The following GALNT2 variants were observed in gnomAD, a reference collection of about 807,000 sequenced individuals.
GALNT2 encodes the protein UDP-GalNAc:polypeptide N-acetylgalactosaminyltransferase 2.
GALNT2 carries 31 observed loss-of-function variants against 81.4 expected under a neutral mutation model. That is an observed-to-expected ratio of 0.38 (90% CI 0.29 to 0.51). The LOEUF is 0.51. GALNT2 is among the 20% of genes least tolerant of loss of function. GALNT2 has a pLI of 0.87. For missense variants in GALNT2, 629 were observed against 765.7 expected (o/e 0.82, Z 2.11); for synonymous variants, 303 against 287.4 (o/e 1.05, Z -0.55).
rs535735786 is a variant in GALNT2 at position 230,273,711 on chromosome 1, G to A, written c.1441-734G>A. 4.6e-5 allele frequency among the ~76,000 whole-genome samples: 7 copies of A among 152,140 alleles called. No homozygotes were observed. In the South Asian group the frequency reaches 1.5e-3, roughly 32 times the overall value. Reference sequence around the variant, plus strand: ...TGTGTGTTTGTTTGTTAACATCATGGTGTGTTATTTAAACACTCTCTAGCT... The same window carrying A: ...TGTGTGTTTGTTTGTTAACATCATGATGTGTTATTTAAACACTCTCTAGCT... On this transcript the variant is annotated intron_variant, in intron 14 of 15. Coordinates refer to ENST00000366672, the MANE Select transcript of GALNT2 (RefSeq NM_004481.5).
chr1:230,223,993 C>A (rs1363382154), intron 3 of GALNT2, among the ~76,000 whole-genome samples: 3 of 152,170 alleles, frequency 2.0e-5, no homozygotes, highest in African/African-American at 7.2e-5. Context: ...GCCTGAATAA[C>A]CTCTAAGAAG....
At chr1:230,203,115 C>T (rs914080119) in intron 2 of GALNT2, 22 bp from the exon 3 acceptor site, 1 of 1,607,332 alleles carries the variant, frequency 6.2e-7, no homozygotes, top group South Asian at 1.1e-5. Flanking sequence ...CTCATCCCTA[C>T]CCTCTGCTCT....
chr1:230,202,531 G>T (rs1438026970), intron 2 of GALNT2, among the ~76,000 whole-genome samples: 1 of 152,144 alleles, frequency 6.6e-6, no homozygotes, highest in Non-Finnish European at 1.5e-5. Flanking sequence ...GTTAGGAATG[G>T]CCAGGCCCCT....
chr1:230,254,766 G>C (rs12564954), intron 10 of GALNT2, among the ~76,000 whole-genome samples: 10,398 of 152,248 alleles, frequency 0.068, 983 homozygotes, highest in East Asian at 0.37. Flanking sequence ...CTTCAGTGTT[G>C]CCTTTTCCCA....
chr1:230,137,273 G>A (rs959484436), intron 1 of GALNT2, among the ~76,000 whole-genome samples: 1 of 152,224 alleles, frequency 6.6e-6, no homozygotes, highest in Non-Finnish European at 1.5e-5. Context: ...GGAGCTTCAC[G>A]TAGGCTGGGG....
chr1:230,067,563 G>A (rs1571921501), intron 1 of GALNT2, among the ~76,000 whole-genome samples, 157 bp downstream of exon 1: 1 of 151,822 alleles, frequency 6.6e-6, no homozygotes, highest in Admixed American at 6.5e-5. Context: ...AGTGCCCAGG[G>A]CAGGGGTGCA....
intron 3 of GALNT2, among the ~76,000 whole-genome samples, chr1:230,207,825 C>G (rs1459661084): frequency 6.6e-6 from 1 of 152,198 alleles, no homozygotes; most frequent in Non-Finnish European, 1.5e-5. Context: ...AAGCAATTCT[C>G]CCGCCTTGGC....
intron 3 of GALNT2, among the ~76,000 whole-genome samples, chr1:230,234,218 C>T (rs996590490): frequency 6.6e-6 from 1 of 152,038 alleles, no homozygotes; most frequent in East Asian, 1.9e-4. Flanking sequence ...GATGAACTTC[C>T]CTCAGTCAGA....
intron 1 of GALNT2, among the ~76,000 whole-genome samples, chr1:230,175,565 TCCTCCTCTGCCTCCTCC>T (rs1662944167): frequency 2.5e-5 from 1 of 39,698 alleles, no homozygotes; most frequent in Admixed American, 2.9e-4. Flanking sequence ...CTCCTTCCCC[TCCTCCTCTGCCTCCTCC>T]CCTCCTCGTC....
rs1330335090 is a variant in GALNT2 at position 230,275,934 on chromosome 1, T to C, written c.1560+1370T>C. On this transcript the variant is annotated intron_variant, in intron 15 of 15. Transcript: ENST00000366672. This position sits in a 1 kb window ranked among gnomAD's most constrained non-coding sequence, Gnocchi z 5.5. ...CATAGACACCACAGATACATACATA[T>C]ATACATGCCACATATATATACGTAT... is the stretch of plus-strand genomic sequence containing the variant. Among the ~76,000 whole-genome samples the C allele has an allele frequency of 1.3e-5, 2 of 150,640 alleles. No homozygotes were observed. Among genetic ancestry groups the C allele is most frequent in the Non-Finnish European group, 3.0e-5 (2 of 67,726 alleles).
At chr1:230,133,544 C>G (rs1002201037) in intron 1 of GALNT2, among the ~76,000 whole-genome samples, 11 of 151,810 alleles carry the variant, frequency 7.2e-5, no homozygotes, top group Admixed American at 7.2e-4. Context: ...ACCTCCACCT[C>G]CCGGGTTCAA....
chr1:230,071,204 CT>C (rs1226291324), intron 1 of GALNT2, among the ~76,000 whole-genome samples: 1 of 152,058 alleles, frequency 6.6e-6, no homozygotes, highest in Non-Finnish European at 1.5e-5. Flanking sequence ...AGTCGTCTTT[CT>C]TTTTTTTATC....
chr1:230,231,945 C>T (rs1664878523), intron 3 of GALNT2, among the ~76,000 whole-genome samples: 1 of 152,150 alleles, frequency 6.6e-6, no homozygotes, highest in Non-Finnish European at 1.5e-5. Context: ...CCGCTGACTT[C>T]AAATAAACTG....
chr1:230,141,216 G>T (rs1661719794), intron 1 of GALNT2, among the ~76,000 whole-genome samples: 1 of 152,176 alleles, frequency 6.6e-6, no homozygotes, highest in Non-Finnish European at 1.5e-5. Flanking sequence ...CAGCTGAAAG[G>T]AGAGATCCTG....
At chr1:230,202,465 C>CCT (rs1266971102) in intron 2 of GALNT2, among the ~76,000 whole-genome samples, 1 of 152,194 alleles carries the variant, frequency 6.6e-6, no homozygotes, top group Non-Finnish European at 1.5e-5. Flanking sequence ...TGCCAGGGGA[C>CCT]AGGCAGGCTG....
chr1:230,186,191 G>A (rs2102692322), intron 2 of GALNT2, among the ~76,000 whole-genome samples: 1 of 152,310 alleles, frequency 6.6e-6, no homozygotes, highest in South Asian at 2.1e-4. Context: ...GTTTGCTGGT[G>A]AGAGTGTTTG....
chr1:230,273,784 T>C (rs563396950), intron 14 of GALNT2, among the ~76,000 whole-genome samples: 1 of 152,340 alleles, frequency 6.6e-6, no homozygotes, highest in East Asian at 1.9e-4. Flanking sequence ...CTCATGGAGC[T>C]GTTGTATAAA....
exon 1 of GALNT2, chr1:230,058,030 T>C (rs1658955133): frequency 8.8e-6 from 4 of 456,136 alleles, no homozygotes; most frequent in Non-Finnish European, 1.8e-5. Context: ...AGATCATCTA[T>C]GTGGAATGTG....
chr1:230,259,247 A>G (rs57929453), intron 11 of GALNT2, among the ~76,000 whole-genome samples: 180 of 152,354 alleles, frequency 1.2e-3, no homozygotes, highest in African/African-American at 4.1e-3. Context: ...TGGAATATTT[A>G]TATGTACTAC....
Sources: allele counts gnomAD v4.1 joint callset (sites outside exome capture counted in the v4.1 genomes callset), GRCh38; gene constraint gnomAD v4.1.1; non-coding constraint Gnocchi (gnomAD v3.1); transcripts MANE v1.5; gene names NCBI Gene and HGNC (gene_info 2026-07-23, HGNC 2026-07-21).